Variants in OCM observed in about 807,000 individuals in gnomAD.
OCM encodes oncomodulin.
In OCM, 18 loss-of-function variants were observed where a neutral mutation model predicts 14.1. The observed-to-expected ratio is 1.28, with a 90% CI of 0.88 to 1.89. The LOEUF is 1.89. Among genes scored for constraint, OCM ranks in the 40% most tolerant of loss-of-function variants. OCM has a pLI of 0.00. For missense variants in OCM, 140 were observed against 137.6 expected (o/e 1.02, Z -0.09); for synonymous variants, 48 against 51.0 (o/e 0.94, Z 0.25).
chr7:5,864,654 C>T, the OCM span, among the ~76,000 whole-genome samples: 3 of 152,074 alleles, frequency 2.0e-5, no homozygotes, highest in African/African-American at 7.2e-5. Context: ...GCAAAGTTCT[C>T]ATTAGAATAA....
At chr7:5,868,292 A>G in the OCM span, among the ~76,000 whole-genome samples, 2 of 151,906 alleles carry the variant, frequency 1.3e-5, no homozygotes. Flanking sequence ...AGTCACAGGC[A>G]TGCACCACCA....
the OCM span, among the ~76,000 whole-genome samples, chr7:5,873,525 T>C: frequency 2.6e-4 from 39 of 152,198 alleles, no homozygotes; most frequent in South Asian, 7.7e-3. Context: ...TTTCATTTTT[T>C]GTAGAGATGG....
chr7:5,878,907 G>T (rs1483634535), upstream of OCM, among the ~76,000 whole-genome samples: 81 of 143,514 alleles, frequency 5.6e-4, no homozygotes, highest in Non-Finnish European at 4.5e-4. Context: ...AAAGCCAGGC[G>T]CAGTGGTTCA....
chr7:5,882,350 C>A, intron 1 of OCM, 143 bp from the exon 2 acceptor site: 9 of 952,532 alleles, frequency 9.4e-6, no homozygotes, highest in Non-Finnish European at 1.5e-5. Flanking sequence ...TCTTGGCTGT[C>A]CCAAAATCTT....
upstream of OCM, among the ~76,000 whole-genome samples, chr7:5,878,978 C>T (rs144314748): frequency 5.0e-4 from 75 of 150,948 alleles, 1 homozygote; most frequent in African/African-American, 1.7e-3. Context: ...CCCAGGAGTT[C>T]GAGACCAGCC....
chr7:5,865,559 A>G, the OCM span, among the ~76,000 whole-genome samples: 1 of 152,216 alleles, frequency 6.6e-6, no homozygotes, highest in Non-Finnish European at 1.5e-5. Context: ...CTTGTCAGCC[A>G]AGGTGTTTTT....
chr7:5,884,006 C>T lies in OCM; in HGVS notation c.304+7C>T, dbSNP rs567864333. ...GGGAAAATTGGAGCAGAGGGTATGT[C>T]CACACGTGTACGTAGCATAAAACAC... On this transcript the variant is annotated splice_region_variant and intron_variant, in intron 3 of 3. Transcript: ENST00000242104. 2.3e-5 allele frequency: 37 copies of T among 1,611,752 alleles called. 1 individual carries two copies. The East Asian group carries it at 7.8e-4, about 34-fold the overall frequency.
chr7:5,868,239 T>G, the OCM span, among the ~76,000 whole-genome samples: 1 of 151,898 alleles, frequency 6.6e-6, no homozygotes, highest in African/African-American at 2.4e-5. Context: ...CTCAACCACC[T>G]GGGCTCAAGC....
At chr7:5,872,563 C>T in the OCM span, among the ~76,000 whole-genome samples, 1 of 152,116 alleles carries the variant, frequency 6.6e-6, no homozygotes, top group Non-Finnish European at 1.5e-5. Context: ...ATTCAATGCA[C>T]AAATGTGTTC....
At chr7:5,862,592 C>T in the OCM span, among the ~76,000 whole-genome samples, 2 of 152,216 alleles carry the variant, frequency 1.3e-5, no homozygotes, top group Non-Finnish European at 2.9e-5. Flanking sequence ...CCCCTACTCC[C>T]TCTTTTCATG....
the OCM span, among the ~76,000 whole-genome samples, chr7:5,868,202 A>C: frequency 6.6e-6 from 1 of 152,078 alleles, no homozygotes; most frequent in Non-Finnish European, 1.5e-5. Context: ...GCTGGAATGC[A>C]GTGGCAAGAT....
chr7:5,880,974 T>A, intron 1 of OCM, 24 bp downstream of exon 1: 1 of 1,567,264 alleles, frequency 6.4e-7, no homozygotes, highest in South Asian at 1.1e-5. Flanking sequence ...GAGGCGGGGG[T>A]GGGATTTCCT....
the OCM span, among the ~76,000 whole-genome samples, chr7:5,870,917 G>A: frequency 6.7e-5 from 10 of 150,314 alleles, no homozygotes; most frequent in South Asian, 4.2e-4. Context: ...ACTGAGTTTC[G>A]CTCTTGTTGC....
At chr7:5,860,840 A>G in the OCM span, among the ~76,000 whole-genome samples, 3 of 148,914 alleles carry the variant, frequency 2.0e-5, no homozygotes, top group African/African-American at 7.4e-5. Context: ...ACACACATAT[A>G]TACACATACA....
chr7:5,872,293 T>C, the OCM span, among the ~76,000 whole-genome samples: 2 of 152,318 alleles, frequency 1.3e-5, no homozygotes, highest in South Asian at 2.1e-4. Context: ...GCTGTCCTTT[T>C]CACGCAGCCC....
chr7:5,882,514 A>C lies in OCM; in HGVS notation c.83A>C (p.Gln28Pro). ...ECRDPDTFEP[Q>P]KFFQTSGLSK... Reference sequence around the variant, plus strand: ...TCAGACCCAGACACTTTTGAACCCCAAAAATTCTTCCAGACATCAGGCCTC... The same window carrying C: ...TCAGACCCAGACACTTTTGAACCCCCAAAATTCTTCCAGACATCAGGCCTC... Residue 28 changes from glutamine to proline, a missense_variant, in exon 2 of 4, where the codon CAA becomes CCA. Transcript: ENST00000242104. 1 of 1,614,142 alleles carries C rather than the reference A, an allele frequency of 6.2e-7. No individual in the cohort carries two copies. Among genetic ancestry groups the C allele is most frequent in the Non-Finnish European group, 8.5e-7 (1 of 1,179,988 alleles).
At chr7:5,862,984 G>A in the OCM span, among the ~76,000 whole-genome samples, 69 of 149,958 alleles carry the variant, frequency 4.6e-4, no homozygotes, top group Middle Eastern at 7.5e-3. Context: ...CTTTTCATAC[G>A]TTTATCTTAT....
At chr7:5,884,173 A>G (rs1178871813) in intron 3 of OCM, among the ~76,000 whole-genome samples, 174 bp downstream of exon 3, 1 of 152,142 alleles carries the variant, frequency 6.6e-6, no homozygotes, top group Non-Finnish European at 1.5e-5. Context: ...TGATGTGTGT[A>G]AAAACCCTGG....
the OCM span, among the ~76,000 whole-genome samples, chr7:5,873,822 T>A: frequency 5.0e-3 from 756 of 152,098 alleles, 8 homozygotes; most frequent in African/African-American, 0.017. Context: ...GGAAGTGATG[T>A]CTGTTGAGAG....
Sources: gnomAD v4.1 joint callset for allele counts (sites outside exome capture counted in the v4.1 genomes callset) on GRCh38, gnomAD v4.1.1 for gene constraint, MANE v1.5 for transcripts, NCBI Gene and HGNC (gene_info 2026-07-23, HGNC 2026-07-21) for gene names.